Variants in WDR27 observed in about 807,000 individuals in gnomAD.
WDR27 encodes the protein WD repeat-containing protein 27.
In WDR27, 100 loss-of-function variants were observed where a neutral mutation model predicts 114.4. That is an observed-to-expected ratio of 0.87 (90% CI 0.74 to 1.03). The LOEUF is 1.03. Among genes scored for constraint, WDR27 ranks in the 50% least tolerant of loss-of-function variants. WDR27 has a pLI of 0.00. For synonymous variants in WDR27, 449 were observed against 423.1 expected (o/e 1.06, Z -0.75); for missense variants, 1,129 against 1,092.9 (o/e 1.03, Z -0.47).
At chr6:169,551,271 C>A (rs1159061564) in intron 25 of WDR27, among the ~76,000 whole-genome samples, 1 of 152,090 alleles carries the variant, frequency 6.6e-6, no homozygotes. Context: ...TCATAAGGCT[C>A]CAATCACTTC....
downstream of WDR27, among the ~76,000 whole-genome samples, chr6:169,452,451 C>T (rs924890800): frequency 6.6e-6 from 1 of 152,250 alleles, no homozygotes; most frequent in Admixed American, 6.5e-5. Flanking sequence ...TGTGAAGAAA[C>T]GGCTGCAGTG....
chr6:169,496,179 A>G (rs1279892166), intron 25 of WDR27, among the ~76,000 whole-genome samples: 1 of 152,100 alleles, frequency 6.6e-6, no homozygotes, highest in Non-Finnish European at 1.5e-5. Flanking sequence ...TGATTATCTC[A>G]ATTGGTGCAG....
At chr6:169,604,311 A>T (rs1273619428) in intron 22 of WDR27, among the ~76,000 whole-genome samples, 1 of 152,210 alleles carries the variant, frequency 6.6e-6, no homozygotes, top group Non-Finnish European at 1.5e-5. Context: ...ATCATCAGAG[A>T]CTATAATGAA....
intron 7 of WDR27, chr6:169,664,942 AG>A (rs1827370676): frequency 1.4e-5 from 1 of 72,470 alleles, no homozygotes; most frequent in African/African-American, 5.5e-5. Flanking sequence ...GGAGCCGTCC[AG>A]GGCGCCTCTC....
intron 25 of WDR27, among the ~76,000 whole-genome samples, chr6:169,458,911 G>C (rs1318047674): frequency 1.3e-5 from 2 of 151,874 alleles, no homozygotes; most frequent in Admixed American, 1.3e-4. Context: ...CCTTGGCACA[G>C]AGTCAAGCTA....
chr6:169,429,918 T>C, the WDR27 span, among the ~76,000 whole-genome samples: 4 of 152,188 alleles, frequency 2.6e-5, no homozygotes, highest in Admixed American at 1.3e-4. Flanking sequence ...TTTTACCAGG[T>C]ATTTGCCACG....
chr6:169,444,954 T>C, the WDR27 span, among the ~76,000 whole-genome samples: 3 of 152,098 alleles, frequency 2.0e-5, no homozygotes, highest in Admixed American at 2.0e-4. Flanking sequence ...GACAATACTA[T>C]CCCTTACCTG....
At chr6:169,475,740 C>A (rs917228901) in intron 25 of WDR27, among the ~76,000 whole-genome samples, 1 of 152,142 alleles carries the variant, frequency 6.6e-6, no homozygotes, top group African/African-American at 2.4e-5. Context: ...GGCTTAATTG[C>A]ACTTCCCTCT....
chr6:169,697,809 A>C (rs1337378542), intron 1 of WDR27, among the ~76,000 whole-genome samples: 1 of 152,076 alleles, frequency 6.6e-6, no homozygotes, highest in Non-Finnish European at 1.5e-5. Flanking sequence ...TCTTGTATCC[A>C]ATAAATATCA....
At chr6:169,623,163 C>G (rs1443604478) in intron 21 of WDR27, among the ~76,000 whole-genome samples, 1 of 152,128 alleles carries the variant, frequency 6.6e-6, no homozygotes, top group African/African-American at 2.4e-5. Context: ...GCTGGTACCC[C>G]ACCCGATCAA....
At chr6:169,682,236 G>A (rs1352622539) in intron 2 of WDR27, among the ~76,000 whole-genome samples, 1 of 152,152 alleles carries the variant, frequency 6.6e-6, no homozygotes, top group Non-Finnish European at 1.5e-5. Flanking sequence ...AGATCCTGAA[G>A]GGACCCAGTC....
intron 21 of WDR27, among the ~76,000 whole-genome samples, chr6:169,614,119 G>A (rs1811264379): frequency 6.6e-6 from 1 of 152,120 alleles, no homozygotes; most frequent in African/African-American, 2.4e-5. Context: ...GGGGCCTCGA[G>A]TCCCGGCCCT....
chr6:169,655,338 G>A lies in WDR27; in HGVS notation c.1402+2938C>T, dbSNP rs146101360. Among the ~76,000 whole-genome samples the A allele has an allele frequency of 2.7e-4, 41 of 152,336 alleles. No individual in the cohort carries two copies. The East Asian group carries it at 6.0e-3, about 22-fold the overall frequency. ...GGAACCCCGAGCCCAGCAGCTGCCC[G>A]CACAGAAGATCAGGGCAGCCCTCCC... On this transcript the variant is annotated intron_variant, in intron 13 of 25. Coordinates refer to ENST00000448612, the MANE Select transcript of WDR27 (RefSeq NM_182552.5).
chr6:169,595,664 A>G (rs1562654376), intron 23 of WDR27, among the ~76,000 whole-genome samples: 1 of 152,120 alleles, frequency 6.6e-6, no homozygotes, highest in Non-Finnish European at 1.5e-5. Context: ...CAGATAGAAT[A>G]TTTACAAAGT....
intron 21 of WDR27, among the ~76,000 whole-genome samples, chr6:169,621,714 G>A (rs558782240): frequency 4.2e-5 from 5 of 120,036 alleles, no homozygotes; most frequent in South Asian, 2.8e-4. Flanking sequence ...ATGCATTCAC[G>A]CATATACACA....
intron 4 of WDR27, 110 bp from the exon 5 acceptor site, chr6:169,668,295 GCA>G (rs1828455973): frequency 1.8e-6 from 2 of 1,084,076 alleles, no homozygotes; most frequent in African/African-American, 1.6e-5. Context: ...CAGGCGACAG[GCA>G]CAGTCTCAGC....
chr6:169,597,028 A>G (rs1247318647), intron 23 of WDR27, among the ~76,000 whole-genome samples: 2 of 152,200 alleles, frequency 1.3e-5, no homozygotes, highest in African/African-American at 4.8e-5. Context: ...CATCTTTGTC[A>G]TATTAAATGT....
intron 7 of WDR27, 27 bp from the exon 8 acceptor site, chr6:169,664,313 T>C (rs925671321): frequency 6.4e-5 from 103 of 1,613,476 alleles, no homozygotes; most frequent in Non-Finnish European, 8.4e-5. Flanking sequence ...GATGCAGACA[T>C]GGCGCTGCAG....
intron 1 of WDR27, among the ~76,000 whole-genome samples, chr6:169,692,725 A>G (rs1230179700): frequency 2.6e-5 from 4 of 152,084 alleles, no homozygotes; most frequent in East Asian, 1.9e-4. Context: ...TCTGGAACAT[A>G]ACTCCATTGG....
Sources: allele counts gnomAD v4.1 joint callset (sites outside exome capture counted in the v4.1 genomes callset), GRCh38; gene constraint gnomAD v4.1.1; transcripts MANE v1.5; gene names NCBI Gene and HGNC (gene_info 2026-07-23, HGNC 2026-07-21).